The following PRKCE variants were observed in gnomAD, a reference collection of about 807,000 sequenced individuals.
PRKCE encodes protein kinase C epsilon type.
A neutral mutation model predicts 85.4 loss-of-function variants in PRKCE; 16 were observed. The observed-to-expected ratio is 0.19, with a 90% CI of 0.13 to 0.28. The LOEUF is 0.28. Among genes scored for constraint, PRKCE ranks in the 10% least tolerant of loss-of-function variants. The pLI is 1.00. For missense variants in PRKCE, 573 were observed against 975.2 expected, an observed-to-expected ratio of 0.59 and a Z score of 5.49; for synonymous variants, 388 against 371.5, an observed-to-expected ratio of 1.04 and a Z score of -0.51.
At chr2:46,096,846 C>A (rs1259887381) in intron 11 of PRKCE, among the ~76,000 whole-genome samples, 1 of 152,182 alleles carries the variant, frequency 6.6e-6, no homozygotes, top group Non-Finnish European at 1.5e-5. Flanking sequence ...ACAGTTTCCT[C>A]ATCTGTAAAA....
rs1435226229 is a variant in PRKCE, at chr2:45,786,159, G to A, written c.349-56841G>A. On this transcript the variant is annotated intron_variant, in intron 1 of 14. Transcript: ENST00000306156. The surrounding 1 kb of genome is among the most constrained non-coding windows in gnomAD (Gnocchi z 5.3). ...ATGAGCAATGTATTATTAGCAAGGG[G>A]CATTGATTGCAGTCTGCCAGTGACT... Among the ~76,000 whole-genome samples, 2 of 152,184 alleles carry A rather than the reference G, an allele frequency of 1.3e-5. No individual in the cohort carries two copies. The highest frequency in any genetic ancestry group is 1.3e-4 in the Admixed American group (2 of 15,284).
chr2:45,697,205 A>G lies in PRKCE; in HGVS notation c.348+44757A>G, dbSNP rs10490341. On this transcript the variant is annotated intron_variant, in intron 1 of 14. Coordinates refer to ENST00000306156, the MANE Select transcript of PRKCE (RefSeq NM_005400.3). This position sits in a 1 kb window ranked among gnomAD's most constrained non-coding sequence, Gnocchi z 4.2. ...ACTGCATCGTCCTTTCAAAGAGTCC[A>G]TGCTCTACCTGGGAGGGCCTGTGTA... 0.16 allele frequency among the ~76,000 whole-genome samples: 23,894 copies of G among 152,064 alleles called. 2,053 individuals carry two copies. The highest frequency in any genetic ancestry group is 0.23 in the African/African-American group (9,420 of 41,454).
intron 1 of PRKCE, among the ~76,000 whole-genome samples, chr2:45,742,134 C>T (rs927558232): frequency 2.0e-5 from 3 of 151,940 alleles, no homozygotes; most frequent in African/African-American, 4.8e-5. Context: ...AGCTTCTGCA[C>T]GGCAAAGAAA....
chr2:45,760,247 T>A (rs72886148), intron 1 of PRKCE, among the ~76,000 whole-genome samples: 18,123 of 152,106 alleles, frequency 0.12, 2,292 homozygotes, highest in African/African-American at 0.32. Flanking sequence ...TCCAATAAAA[T>A]TAACACACAA....
chr2:45,670,168 C>T (rs750005549), intron 1 of PRKCE, among the ~76,000 whole-genome samples: 13 of 152,120 alleles, frequency 8.5e-5, no homozygotes, highest in South Asian at 2.1e-4. Context: ...GTAAGTCGGC[C>T]GCGTGCCTTC....
intron 10 of PRKCE, among the ~76,000 whole-genome samples, chr2:46,021,005 A>C (rs1706606991): frequency 6.6e-6 from 1 of 152,178 alleles, no homozygotes; most frequent in Admixed American, 6.5e-5. Flanking sequence ...TTTGGTCACG[A>C]TCACACGGAG....
chr2:46,004,866 C>A lies in PRKCE; in HGVS notation c.1063+228C>A, dbSNP rs184435253. 6.6e-6 allele frequency among the ~76,000 whole-genome samples: 1 copy of A among 152,270 alleles called. No homozygotes were observed. The highest frequency in any genetic ancestry group is 1.5e-5 in the Non-Finnish European group (1 of 68,032). On this transcript the variant is annotated intron_variant, in intron 8 of 14. Coordinates refer to ENST00000306156, the MANE Select transcript of PRKCE (RefSeq NM_005400.3). The surrounding 1 kb of genome is among the most constrained non-coding windows in gnomAD (Gnocchi z 4.1). ...TATCTGCCTTAATTTCCTTCCAGGC[C>A]AGGGTAAGAGGAGAGCGAGTGTATG... is the stretch of plus-strand genomic sequence containing the variant.
intron 1 of PRKCE, among the ~76,000 whole-genome samples, chr2:45,781,164 C>A (rs901131678): frequency 1.3e-5 from 2 of 150,240 alleles, no homozygotes; most frequent in Non-Finnish European, 2.9e-5. Context: ...GAGACCCCCC[C>A]ATCTCTACAA....
chr2:46,021,151 C>G (rs1158959165), intron 10 of PRKCE, among the ~76,000 whole-genome samples: 3 of 152,116 alleles, frequency 2.0e-5, no homozygotes, highest in African/African-American at 7.2e-5. Flanking sequence ...AGGAACAGAC[C>G]CCTGATTTAG....
Position 46,159,840 on chromosome 2 carries a change from A to G in PRKCE, c.2067+88A>G, listed in dbSNP as rs113464804. 96 of 1,524,202 alleles carry G rather than the reference A, an allele frequency of 6.3e-5. No individual in the cohort carries two copies. In the African/African-American group the frequency reaches 1.1e-3, roughly 17 times the overall value. The allele number at this position is 1,524,202 out of a possible 1,614,324, so 94.4% of individuals were successfully genotyped here. On this transcript the variant is annotated intron_variant, in intron 14 of 14. Coordinates refer to ENST00000306156, the MANE Select transcript of PRKCE (RefSeq NM_005400.3). This position sits in a 1 kb window ranked among gnomAD's most constrained non-coding sequence, Gnocchi z 4.1. The stretch of plus-strand genomic sequence containing the variant: ...TGCGTGCACCCAGGAAGAGTTGGTC[A>G]GGGGATGCGTATTACAGTAAAAATG...
Position 46,159,683 on chromosome 2 carries a change from A to G in PRKCE, c.1998A>G (p.Pro666=), listed in dbSNP as rs533134166. The G allele has an allele frequency of 2.7e-5, 43 of 1,599,454 alleles. No individual in the cohort carries two copies. Among genetic ancestry groups the G allele is most frequent in the Non-Finnish European group, 3.6e-5 (42 of 1,179,892 alleles). ...QNGEDAIKQH[P]FFKEIDWVLL... is the part of the protein sequence containing the mutation. Reference sequence around the variant, plus strand: ...GCGAGGACGCCATCAAGCAGCACCCATTCTTCAAAGAGATTGACTGGGTGC... The same window carrying G: ...GCGAGGACGCCATCAAGCAGCACCCGTTCTTCAAAGAGATTGACTGGGTGC... The change falls in exon 14 of 15, where the codon CCA becomes CCG. Residue 666 remains proline (P), a synonymous_variant. Transcript: ENST00000306156. The surrounding 1 kb of genome is among the most constrained non-coding windows in gnomAD (Gnocchi z 4.1).
intron 10 of PRKCE, among the ~76,000 whole-genome samples, chr2:46,015,360 A>AT (rs1224071570): frequency 6.6e-6 from 1 of 151,886 alleles, no homozygotes; most frequent in East Asian, 1.9e-4. Flanking sequence ...TAATTTCATG[A>AT]TTTTTCCTCT....
At chr2:45,811,880 C>G (rs529311102) in intron 1 of PRKCE, among the ~76,000 whole-genome samples, 15 of 152,196 alleles carry the variant, frequency 9.9e-5, no homozygotes, top group African/African-American at 3.4e-4. Context: ...ATTATGCTAG[C>G]TGTTATAGAT....
chr2:45,926,704 C>T (rs1021201008), intron 2 of PRKCE, among the ~76,000 whole-genome samples: 2 of 152,210 alleles, frequency 1.3e-5, no homozygotes, highest in Non-Finnish European at 2.9e-5. Context: ...GTGACATGGA[C>T]AGCCGTGGCT....
intron 1 of PRKCE, among the ~76,000 whole-genome samples, chr2:45,742,799 A>C (rs926118007): frequency 6.6e-6 from 1 of 152,246 alleles, no homozygotes. Context: ...GTGTATCCAA[A>C]GGAAATAAAA....
At chr2:46,150,929 C>A in intron 12 of PRKCE, 112 bp from the exon 13 acceptor site, 1 of 978,558 alleles carries the variant, frequency 1.0e-6, no homozygotes, top group Non-Finnish European at 1.5e-6. Flanking sequence ...TAGGACTCAA[C>A]TGTAGGGAGG....
chr2:45,966,957 A>T (rs1468256496), intron 2 of PRKCE, among the ~76,000 whole-genome samples: 1 of 152,296 alleles, frequency 6.6e-6, no homozygotes, highest in South Asian at 2.1e-4. Context: ...TCAGTATTGG[A>T]TTACTAAAGC....
In PRKCE at chr2:46,039,291, T is replaced by C. The variant is rs564275808; in HGVS notation, c.1437+28774T>C. On this transcript the variant is annotated intron_variant, in intron 10 of 14. Coordinates refer to ENST00000306156, the MANE Select transcript of PRKCE (RefSeq NM_005400.3). Reference sequence around the variant, plus strand: ...CTTGCTCACCTGCTTCCCACCCAGTTTCTCTGTCTCTCTCACATCTTCCTC... The same window carrying C: ...CTTGCTCACCTGCTTCCCACCCAGTCTCTCTGTCTCTCTCACATCTTCCTC... 3.9e-5 allele frequency among the ~76,000 whole-genome samples: 6 copies of C among 152,354 alleles called. No homozygotes were observed. In the East Asian group the frequency reaches 1.2e-3, roughly 29 times the overall value.
At chr2:45,784,400 A>G (rs977152076) in intron 1 of PRKCE, among the ~76,000 whole-genome samples, 1 of 152,274 alleles carries the variant, frequency 6.6e-6, no homozygotes, top group South Asian at 2.1e-4. Context: ...GAGAAGACTT[A>G]CATTTGGAGA....
Sources: gnomAD v4.1 joint callset for allele counts (sites outside exome capture counted in the v4.1 genomes callset) on GRCh38, gnomAD v4.1.1 for gene constraint, Gnocchi (gnomAD v3.1) non-coding constraint, MANE v1.5 for transcripts, NCBI Gene and HGNC (gene_info 2026-07-23, HGNC 2026-07-21) for gene names.